Variants in CUL3 observed in about 807,000 individuals in gnomAD.
The protein encoded by CUL3 is cullin 3.
In CUL3, 19 loss-of-function variants were observed where a neutral mutation model predicts 89.1. The observed-to-expected ratio is 0.21, with a 90% CI of 0.15 to 0.31. The LOEUF (loss-of-function observed/expected upper bound fraction) is 0.31, where lower values mean the gene tolerates loss of function less well. Ranked by LOEUF, CUL3 falls within the 10% of genes least tolerant of loss-of-function variation. The probability of loss-of-function intolerance (pLI) is 1.00; values close to 1 mark genes in which losing one functional copy is unlikely to be tolerated. For missense variants in CUL3, 469 were observed against 942.3 expected (o/e 0.50, Z 6.58); for synonymous variants, 351 against 308.4 (o/e 1.14, Z -1.45).
intron 1 of CUL3, among the ~76,000 whole-genome samples, chr2:224,576,360 G>T (rs1383048653): frequency 6.6e-6 from 1 of 151,964 alleles, no homozygotes; most frequent in African/African-American, 2.4e-5. Context: ...CCCAATTCAG[G>T]GTCACTGACA....
chr2:224,573,421 G>T (rs1048578879), intron 1 of CUL3, among the ~76,000 whole-genome samples: 5 of 152,180 alleles, frequency 3.3e-5, no homozygotes, highest in Middle Eastern at 3.4e-3. Flanking sequence ...TACACACTAA[G>T]GTCCCCTTAA....
At chr2:224,567,937 T>C (rs1327569268) in intron 1 of CUL3, among the ~76,000 whole-genome samples, 1 of 152,180 alleles carries the variant, frequency 6.6e-6, no homozygotes, top group East Asian at 1.9e-4. Context: ...CTGTCTGACA[T>C]GTATTTCCCA....
rs530403221 is a variant in CUL3, at chr2:224,479,233, T to C, written c.2030-888A>G. On this transcript the variant is annotated intron_variant, in intron 14 of 15. Transcript: ENST00000264414. Reference sequence around the variant, plus strand: ...GCATAGATAGCCACGAGACAGCAGATTGTACAATTTAGAAGATCATTCTGG... The same window carrying C: ...GCATAGATAGCCACGAGACAGCAGACTGTACAATTTAGAAGATCATTCTGG... The C allele has an allele frequency of 2.0e-5, 3 of 152,276 alleles. No homozygotes were observed. The South Asian group carries it at 6.2e-4, about 32-fold the overall frequency. The allele number at this position is 152,276 out of a possible 1,614,324, so 9.4% of individuals were successfully genotyped here. A position where few individuals can be genotyped will look rare whatever the true frequency, so the allele number is the denominator to read the frequency against.
intron 11 of CUL3, 126 bp from the exon 12 acceptor site, chr2:224,497,975 A>G: frequency 1.4e-6 from 1 of 702,298 alleles, no homozygotes; most frequent in South Asian, 1.9e-5. Context: ...TTAAAACTTA[A>G]AGGAAACTTT....
At position 224,500,711 on chromosome 2, in the gene CUL3, C is replaced by T. The variant is rs570214092; in HGVS notation, c.1486-224G>A. ...CACGATCTCGGCTCACTGCAACCTC[C>T]GCCTCCCAGGTTCAAACGATTCTCC... On this transcript the variant is annotated intron_variant, in intron 10 of 15. Coordinates refer to ENST00000264414, the MANE Select transcript of CUL3 (RefSeq NM_003590.5). Among the ~76,000 whole-genome samples, 194 of 151,466 alleles carry T rather than the reference C, an allele frequency of 1.3e-3. 2 individuals are homozygous for T. The highest frequency in any genetic ancestry group is 0.011 in the South Asian group (54 of 4,776).
intron 13 of CUL3, among the ~76,000 whole-genome samples, chr2:224,486,125 T>G (rs910292801): frequency 2.0e-5 from 3 of 152,112 alleles, no homozygotes; most frequent in African/African-American, 7.2e-5. Context: ...GCATCAAAGA[T>G]CAAAGGTAGA....
chr2:224,561,917 T>C lies in CUL3; in HGVS notation c.67-4061A>G, dbSNP rs1010482992. Among the ~76,000 whole-genome samples the C allele has an allele frequency of 7.2e-5, 11 of 152,220 alleles. No homozygotes were observed. In the South Asian group the frequency reaches 2.3e-3, roughly 32 times the overall value. ...TGAGTAACAAATAGATAAAGCAAAA[T>C]ACTCAGAACAATTTCAAAAAAGAGA... On this transcript the variant is annotated intron_variant, in intron 1 of 15. Coordinates refer to ENST00000264414, the MANE Select transcript of CUL3 (RefSeq NM_003590.5).
chr2:224,545,345 G>GT (rs764466368), intron 2 of CUL3, among the ~76,000 whole-genome samples: 1 of 151,848 alleles, frequency 6.6e-6, no homozygotes, highest in Non-Finnish European at 1.5e-5. Context: ...TAAAAAAACA[G>GT]TAAGATAGCC....
At chr2:224,546,380 G>A (rs188248994) in intron 2 of CUL3, among the ~76,000 whole-genome samples, 11 of 152,144 alleles carry the variant, frequency 7.2e-5, no homozygotes, top group Admixed American at 1.3e-4. Context: ...CATATAGCCC[G>A]ATAATCACCT....
intron 3 of CUL3, among the ~76,000 whole-genome samples, chr2:224,525,635 T>C (rs575469538): frequency 5.3e-5 from 8 of 152,348 alleles, no homozygotes; most frequent in Non-Finnish European, 8.8e-5. Context: ...ATTGTTAGGA[T>C]TAAATAAACA....
intron 1 of CUL3, among the ~76,000 whole-genome samples, chr2:224,569,019 T>G (rs915200724): frequency 6.6e-6 from 1 of 152,206 alleles, no homozygotes; most frequent in African/African-American, 2.4e-5. Context: ...CATCAATATG[T>G]TAACAATAAA....
At chr2:224,539,843 T>C (rs1694030409) in intron 2 of CUL3, among the ~76,000 whole-genome samples, 1 of 151,834 alleles carries the variant, frequency 6.6e-6, no homozygotes, top group African/African-American at 2.4e-5. Flanking sequence ...TGTACAATAC[T>C]ATACTAGTGA....
chr2:224,505,360 C>G (rs1183890441), intron 8 of CUL3, among the ~76,000 whole-genome samples: 1 of 152,158 alleles, frequency 6.6e-6, no homozygotes, highest in Admixed American at 6.5e-5. Flanking sequence ...TGGTCTCAAA[C>G]TCCCAACCTC....
At chr2:224,554,326 A>G (rs1694624332) in intron 2 of CUL3, among the ~76,000 whole-genome samples, 1 of 152,218 alleles carries the variant, frequency 6.6e-6, no homozygotes, top group South Asian at 2.1e-4. Context: ...TTAGAAATAA[A>G]GAATCTCAGG....
At chr2:224,545,205 T>C (rs954188012) in intron 2 of CUL3, among the ~76,000 whole-genome samples, 19 of 152,328 alleles carry the variant, frequency 1.2e-4, no homozygotes, top group African/African-American at 4.1e-4. Context: ...AATTAACTAA[T>C]GATGAGATTC....
At chr2:224,537,448 C>T (rs1378954346) in intron 2 of CUL3, among the ~76,000 whole-genome samples, 1 of 152,064 alleles carries the variant, frequency 6.6e-6, no homozygotes, top group Non-Finnish European at 1.5e-5. Flanking sequence ...TTACATCACC[C>T]AGAAATTCCT....
intron 6 of CUL3, among the ~76,000 whole-genome samples, chr2:224,508,702 G>A (rs1692695696): frequency 6.6e-6 from 1 of 152,156 alleles, no homozygotes; most frequent in South Asian, 2.1e-4. Context: ...GCTCACGCCT[G>A]TAATCCCAAC....
At chr2:224,516,080 T>C (rs1693030167) in intron 3 of CUL3, among the ~76,000 whole-genome samples, 1 of 152,214 alleles carries the variant, frequency 6.6e-6, no homozygotes, top group Admixed American at 6.5e-5. Flanking sequence ...TCTTGTATGA[T>C]GGTTTAACAC....
chr2:224,559,683 G>A (rs1694842895), intron 1 of CUL3, among the ~76,000 whole-genome samples: 1 of 152,022 alleles, frequency 6.6e-6, no homozygotes, highest in African/African-American at 2.4e-5. Context: ...TCTTGAGAAG[G>A]CCACCAGTGA....
Sources: gnomAD v4.1 joint callset for allele counts (sites outside exome capture counted in the v4.1 genomes callset) on GRCh38, gnomAD v4.1.1 for gene constraint, MANE v1.5 for transcripts, NCBI Gene and HGNC (gene_info 2026-07-23, HGNC 2026-07-21) for gene names.